SYS1: variants seen among roughly 807,000 people sequenced by gnomAD.
SYS1 encodes the protein SYS1 golgi trafficking protein.
SYS1 carries 8 observed loss-of-function variants against 17.8 expected under a neutral mutation model. The observed-to-expected ratio is 0.45, with a 90% CI of 0.26 to 0.81. The LOEUF (loss-of-function observed/expected upper bound fraction) is 0.81, where lower values mean the gene tolerates loss of function less well. SYS1 is among the 40% of genes least tolerant of loss of function. SYS1 has a pLI of 0.16. For missense variants in SYS1, 161 were observed against 203.9 expected (o/e 0.79, Z 1.28); for synonymous variants, 95 against 90.9 (o/e 1.05, Z -0.26).
Position 45,363,699 on chromosome 20 carries a change from G to A in SYS1, c.162+6G>A, listed in dbSNP as rs375911504. Reference sequence around the variant, plus strand: ...ACCAGATGTTCGACGCCGAGGTAGGGTCCCCGGACTGGGGCGGGTGGGGTC... The same window carrying A: ...ACCAGATGTTCGACGCCGAGGTAGGATCCCCGGACTGGGGCGGGTGGGGTC... On this transcript the variant is annotated splice_donor_region_variant and intron_variant, in intron 2 of 3. Transcript: ENST00000243918. The A allele has an allele frequency of 1.2e-4, 183 of 1,558,454 alleles. No individual in the cohort carries two copies. The African/African-American group carries it at 2.1e-3, about 18-fold the overall frequency.
exon 4 of SYS1, chr20:45,375,872 T>G: frequency 3.5e-6 from 1 of 285,508 alleles, no homozygotes; most frequent in Non-Finnish European, 6.6e-6. Flanking sequence ...TCCAGTAGTT[T>G]TTCTAAATTG....
intron 2 of SYS1, among the ~76,000 whole-genome samples, chr20:45,364,922 G>A (rs1384320591): frequency 6.6e-6 from 1 of 152,214 alleles, no homozygotes; most frequent in Non-Finnish European, 1.5e-5. Context: ...GGGATAATAT[G>A]AGATTATGTA....
chr20:45,364,179 A>G (rs74897345), intron 2 of SYS1, among the ~76,000 whole-genome samples: 5,597 of 152,298 alleles, frequency 0.037, 365 homozygotes, highest in African/African-American at 0.13. Context: ...CTAGTTGCAG[A>G]GAGGTCGTGG....
chr20:45,366,983 C>T lies in SYS1; in HGVS notation c.339C>T (p.Phe113=). Reference sequence around the variant, plus strand: ...GCTGCTGGTTCTACAGCTCCCGTTTCCCCTCGGCGCTGACCTGGTGGCTGG... The same window carrying T: ...GCTGCTGGTTCTACAGCTCCCGTTTTCCCTCGGCGCTGACCTGGTGGCTGG... ...LLGCWFYSSR[F]PSALTWWLVQ... is the part of the protein sequence containing the mutation. The change falls in exon 4 of 4, where the codon TTC becomes TTT. Residue 113 remains phenylalanine (F), a synonymous_variant. Transcript: ENST00000243918. 1 of 1,614,168 alleles carries T rather than the reference C, an allele frequency of 6.2e-7. No individual in the cohort carries two copies. Among genetic ancestry groups the T allele is most frequent in the Non-Finnish European group, 8.5e-7 (1 of 1,180,032 alleles).
chr20:45,373,080 G>C (rs1008997224), downstream of SYS1: 4 of 152,458 alleles, frequency 2.6e-5, no homozygotes, highest in Non-Finnish European at 4.4e-5. Flanking sequence ...CATGCAGCCT[G>C]CCTCTGGGGA....
At chr20:45,362,043 T>C, upstream of SYS1, 1 of 984,778 alleles carries the variant, frequency 1.0e-6, no homozygotes, top group South Asian at 4.7e-5. Context: ...AGTTATCGAT[T>C]TGCTCTTGCT....
At chr20:45,375,634 G>A (rs1339859997) in exon 4 of SYS1, 1 of 1,510,596 alleles carries the variant, frequency 6.6e-7, no homozygotes, top group African/African-American at 1.4e-5. Flanking sequence ...CCAGCTCAGG[G>A]GAGCCTGTTA....
rs765679893 is a variant in SYS1, at chr20:45,365,638, C to G, written c.182C>G (p.Pro61Arg). The change falls in exon 3 of 4, where the codon CCT becomes CGT. Residue 61 changes from proline (P) to arginine (R), a missense_variant. Physicochemically the swap from Pro to Arg is moderately radical, Grantham distance 103 (BLOSUM62 -2). Coordinates refer to ENST00000243918, the MANE Select transcript of SYS1 (RefSeq NM_033542.4). ...FDAEILGFST[P>R]PGRLSMMSFI... ...CCTCAGATCCTGGGCTTTTCCACCCCTCCAGGCCGGCTCTCCATGATGTCC... is the reference window on the plus strand; with the variant it reads ...CCTCAGATCCTGGGCTTTTCCACCCGTCCAGGCCGGCTCTCCATGATGTCC... 7 of 1,614,168 alleles carry G rather than the reference C, an allele frequency of 4.3e-6. No individual in the cohort carries two copies. Among genetic ancestry groups the G allele is most frequent in the Non-Finnish European group, 3.4e-6 (4 of 1,180,028 alleles).
In SYS1 at chr20:45,363,519, G is replaced by A. The variant is rs186043443; in HGVS notation, c.-3-10G>A. 62 of 1,587,694 alleles carry A rather than the reference G, an allele frequency of 3.9e-5. No individual in the cohort carries two copies. The Admixed American group carries it at 7.7e-4, about 20-fold the overall frequency. On this transcript the variant is annotated splice_polypyrimidine_tract_variant and intron_variant, in intron 1 of 3. Coordinates refer to ENST00000243918, the MANE Select transcript of SYS1 (RefSeq NM_033542.4). ...GGCCGCTGGCTGAGGCCCGGCTCGT[G>A]TCCCTGCAGGGCATGGCGGGTCAGT...
intron 3 of SYS1, chr20:45,365,991 G>C: frequency 4.8e-6 from 2 of 412,914 alleles, no homozygotes; most frequent in Non-Finnish European, 9.1e-6. Flanking sequence ...ACTGGGTTCT[G>C]TTCTTGGTTT....
At chr20:45,373,012 A>G (rs1296562143), downstream of SYS1, 2 of 152,276 alleles carry the variant, frequency 1.3e-5, no homozygotes, top group African/African-American at 2.4e-5. Context: ...CTGACCCCCA[A>G]TCCCGGAGAG....
chr20:45,375,072 T>C (rs1389197072), exon 4 of SYS1: 3 of 1,613,946 alleles, frequency 1.9e-6, no homozygotes, highest in African/African-American at 1.3e-5. Context: ...TTTCAAGTGA[T>C]GCGGAGCAGA....
downstream of SYS1, among the ~76,000 whole-genome samples, chr20:45,369,716 C>T (rs527795028): frequency 4.2e-4 from 64 of 151,680 alleles, no homozygotes; most frequent in Middle Eastern, 3.4e-3. Context: ...ATCCTCCTGC[C>T]GCAGCCCCCC....
At chr20:45,373,549 C>G (rs1988621404), downstream of SYS1, 1 of 319,726 alleles carries the variant, frequency 3.1e-6, no homozygotes, top group African/African-American at 2.1e-5. Context: ...GGAGCCCTTG[C>G]TCCTGCCACT....
chr20:45,374,407 T>C (rs2145365805), exon 4 of SYS1: 1 of 603,078 alleles, frequency 1.7e-6, no homozygotes, highest in South Asian at 2.1e-5. Flanking sequence ...GAGTAGCTGA[T>C]ACTACAAGCG....
exon 4 of SYS1, chr20:45,376,510 G>GCTT: frequency 6.6e-6 from 1 of 152,348 alleles, no homozygotes; most frequent in South Asian, 2.1e-4. Flanking sequence ...CTCAGATTCT[G>GCTT]CTTCTGCCTC....
chr20:45,370,113 C>T (rs576977024), downstream of SYS1, among the ~76,000 whole-genome samples: 163 of 151,876 alleles, frequency 1.1e-3, no homozygotes, highest in South Asian at 5.6e-3. Context: ...TTCATAGAGA[C>T]GGGGTTTCAT....
In SYS1 at chr20:45,363,161, C is replaced by G. The variant is rs1988276929; in HGVS notation, c.-158C>G. 1 of 1,035,618 alleles carries G rather than the reference C, an allele frequency of 9.7e-7. No homozygotes were observed. Among genetic ancestry groups the G allele is most frequent in the East Asian group, 9.0e-5 (1 of 11,054 alleles). The allele number at this position is 1,035,618 out of a possible 1,614,324, so 64.2% of individuals were successfully genotyped here. ...TGCTTTCCCCGGAAACGTTTCTTTC[C>G]TACGCAGCCGCTCCTGCCGCCGTGG... On this transcript the variant is annotated 5_prime_UTR_variant, in exon 1 of 4. Transcript: ENST00000243918.
In SYS1 at chr20:45,363,679, A is replaced by T. The variant is rs1196558003; in HGVS notation, c.148A>T (p.Met50Leu). 5 of 1,569,108 alleles carry T rather than the reference A, an allele frequency of 3.2e-6. No individual in the cohort carries two copies. The highest frequency in any genetic ancestry group is 4.3e-6 in the Non-Finnish European group (5 of 1,159,086). Residue 50 changes from methionine to leucine, a missense_variant, in exon 2 of 4, where the codon ATG becomes TTG. Coordinates refer to ENST00000243918, the MANE Select transcript of SYS1 (RefSeq NM_033542.4). ...LVRSSPSLDQMFDAEILGFST... is the reference protein window; with the variant it reads ...LVRSSPSLDQLFDAEILGFST... ...GCGAAGCAGCCCCTCGCTGGACCAG[A>T]TGTTCGACGCCGAGGTAGGGTCCCC...
Sources: gnomAD v4.1 joint callset for allele counts (sites outside exome capture counted in the v4.1 genomes callset) on GRCh38, gnomAD v4.1.1 for gene constraint, MANE v1.5 for transcripts, NCBI Gene and HGNC (gene_info 2026-07-23, HGNC 2026-07-21) for gene names.